Variants in PYHIN1 observed in about 807,000 individuals in gnomAD.
The protein encoded by PYHIN1 is pyrin and HIN domain-containing protein 1.
In PYHIN1, 32 loss-of-function variants were observed where a neutral mutation model predicts 43.7. That is an observed-to-expected ratio of 0.73 (90% CI 0.55 to 0.98). The LOEUF is 0.98. Among genes scored for constraint, PYHIN1 ranks in the 50% least tolerant of loss-of-function variants. The pLI is 0.00. For synonymous variants in PYHIN1, 205 were observed against 203.1 expected (o/e 1.01, Z -0.08); for missense variants, 588 against 589.5 (o/e 1.00, Z 0.03).
chr1:158,944,008 T>A, intron 6 of PYHIN1, 30 bp downstream of exon 6: 1 of 1,530,782 alleles, frequency 6.5e-7, no homozygotes, highest in Non-Finnish European at 8.9e-7. Flanking sequence ...ATATTAGTTT[T>A]CCAAAGATGA....
At position 158,976,917 on chromosome 1, in the gene PYHIN1, C is replaced by G; in HGVS notation, c.*222C>G. On this transcript the variant is annotated 3_prime_UTR_variant, in exon 9 of 9. Transcript: ENST00000368140. The stretch of plus-strand genomic sequence containing the variant: ...ATATATATATATATATATATATATA[C>G]CAGCTATTAATTCTAGGAAATGGAG... 5.2e-6 allele frequency: 1 copy of G among 193,866 alleles called. No individual in the cohort carries two copies. Among genetic ancestry groups the G allele is most frequent in the Non-Finnish European group, 9.1e-6 (1 of 110,426 alleles). 12.0% of individuals were successfully genotyped at this position (193,866 alleles called of 1,614,324 possible). A position where few individuals can be genotyped will look rare whatever the true frequency, so the allele number is the denominator to read the frequency against.
Position 158,947,333 on chromosome 1 carries a change from T to C in PYHIN1, c.1359+2291T>C, listed in dbSNP as rs571681208. On this transcript the variant is annotated intron_variant, in intron 7 of 8. Transcript: ENST00000368140. Reference sequence around the variant, plus strand: ...GGGGATATAGCCAGATAAAGGAAGATGAATACAAGAATGTGTTCATTACCT... The same window carrying C: ...GGGGATATAGCCAGATAAAGGAAGACGAATACAAGAATGTGTTCATTACCT... Among the ~76,000 whole-genome samples, 4 of 152,352 alleles carry C rather than the reference T, an allele frequency of 2.6e-5. No individual in the cohort carries two copies. In the East Asian group the frequency reaches 7.7e-4, roughly 29 times the overall value.
intron 7 of PYHIN1, among the ~76,000 whole-genome samples, chr1:158,970,319 G>A (rs1321903359): frequency 1.3e-5 from 2 of 151,984 alleles, no homozygotes; most frequent in African/African-American, 4.8e-5. Flanking sequence ...GGGGGTACAA[G>A]TGCAGATTTG....
At chr1:158,939,449 T>G in intron 4 of PYHIN1, 2 of 1,551,912 alleles carry the variant, frequency 1.3e-6, no homozygotes. Context: ...GGAAGTTTTC[T>G]GTCCTGTGCT....
chr1:158,939,038 T>C (rs968789958), intron 3 of PYHIN1, 42 bp from the exon 4 acceptor site: 8 of 1,450,600 alleles, frequency 5.5e-6, no homozygotes, highest in Non-Finnish European at 7.5e-6. Flanking sequence ...CTGCTTCATT[T>C]GACACTGAAA....
intron 7 of PYHIN1, among the ~76,000 whole-genome samples, chr1:158,948,817 G>A (rs1356664300): frequency 6.6e-6 from 1 of 152,126 alleles, no homozygotes; most frequent in Non-Finnish European, 1.5e-5. Flanking sequence ...TTGACTGGTA[G>A]GAATGCCTCA....
chr1:158,958,174 CA>C (rs1383049732), intron 7 of PYHIN1, among the ~76,000 whole-genome samples: 1 of 151,430 alleles, frequency 6.6e-6, no homozygotes, highest in Non-Finnish European at 1.5e-5. Context: ...TAAACTAGTT[CA>C]ACCATTGTGG....
chr1:158,946,619 T>A (rs1195406508), intron 7 of PYHIN1, among the ~76,000 whole-genome samples: 1 of 152,042 alleles, frequency 6.6e-6, no homozygotes, highest in Non-Finnish European at 1.5e-5. Flanking sequence ...TTTCCTACAA[T>A]CTAAAGAACA....
chr1:158,936,608 T>A (rs1382006794), intron 1 of PYHIN1, among the ~76,000 whole-genome samples: 2 of 152,074 alleles, frequency 1.3e-5, no homozygotes, highest in African/African-American at 4.8e-5. Context: ...AATTATTATC[T>A]CAATAGATGC....
At chr1:158,955,248 G>A (rs929589686) in intron 7 of PYHIN1, among the ~76,000 whole-genome samples, 10 of 151,938 alleles carry the variant, frequency 6.6e-5, no homozygotes, top group Non-Finnish European at 1.2e-4. Context: ...TGCACCAACC[G>A]GACCTAACAG....
At chr1:158,981,740 A>G (rs1651490941), downstream of PYHIN1, among the ~76,000 whole-genome samples, 1 of 152,164 alleles carries the variant, frequency 6.6e-6, no homozygotes, top group Admixed American at 6.5e-5. Context: ...AAAATATGGC[A>G]TATAATTGGC....
chr1:158,946,934 T>C (rs1244917649), intron 7 of PYHIN1, among the ~76,000 whole-genome samples: 1 of 152,194 alleles, frequency 6.6e-6, no homozygotes, highest in Non-Finnish European at 1.5e-5. Flanking sequence ...AATCTCCTAA[T>C]TCAGCCCCAG....
chr1:158,961,067 T>A (rs72704938), intron 7 of PYHIN1, among the ~76,000 whole-genome samples: 17,571 of 152,140 alleles, frequency 0.12, 1,159 homozygotes, highest in Non-Finnish European at 0.13. Flanking sequence ...ATGATACCAA[T>A]CATAAATGAT....
Position 158,933,117 on chromosome 1 carries a change from C to G in PYHIN1, c.-21+1341C>G, listed in dbSNP as rs148560571. ...TATTATAAGACGGTATTTTCTTGTA[C>G]TCCTCTCAAATTCATATATATAATA... On this transcript the variant is annotated intron_variant, in intron 1 of 8. Coordinates refer to ENST00000368140, the MANE Select transcript of PYHIN1 (RefSeq NM_152501.5). This position sits in a 1 kb window ranked among gnomAD's most constrained non-coding sequence, Gnocchi z 6.3. Among the ~76,000 whole-genome samples the G allele has an allele frequency of 7.6e-3, 1,156 of 151,768 alleles. 14 individuals are homozygous for G. The highest frequency in any genetic ancestry group is 0.024 in the African/African-American group (1,010 of 41,430).
chr1:158,964,089 G>T (rs990263600), intron 7 of PYHIN1, among the ~76,000 whole-genome samples: 2 of 152,120 alleles, frequency 1.3e-5, no homozygotes, highest in Non-Finnish European at 2.9e-5. Context: ...ATTTCATAAT[G>T]CAATTGCATG....
intron 3 of PYHIN1, among the ~76,000 whole-genome samples, chr1:158,938,832 C>T (rs1215088240): frequency 6.6e-6 from 1 of 152,126 alleles, no homozygotes; most frequent in Admixed American, 6.5e-5. Flanking sequence ...TTACAAAAGC[C>T]TAGTTTCTTA....
intron 5 of PYHIN1, among the ~76,000 whole-genome samples, chr1:158,943,171 A>G (rs994381927): frequency 1.3e-5 from 2 of 152,054 alleles, no homozygotes; most frequent in Non-Finnish European, 2.9e-5. Context: ...TTCTAGAATG[A>G]CCTCTTATTT....
chr1:158,955,110 GA>G, intron 7 of PYHIN1, among the ~76,000 whole-genome samples: 1 of 151,886 alleles, frequency 6.6e-6, no homozygotes, highest in South Asian at 2.1e-4. Context: ...AGGAAGTCCT[GA>G]GTGACCTACA....
chr1:158,938,005 A>C (rs1648668185), intron 2 of PYHIN1, among the ~76,000 whole-genome samples: 1 of 152,190 alleles, frequency 6.6e-6, no homozygotes, highest in South Asian at 2.1e-4. Context: ...AAACCTATTT[A>C]ACATCTCCTT....
Sources: gnomAD v4.1 joint callset for allele counts (sites outside exome capture counted in the v4.1 genomes callset) on GRCh38, gnomAD v4.1.1 for gene constraint, Gnocchi (gnomAD v3.1) non-coding constraint, MANE v1.5 for transcripts, NCBI Gene and HGNC (gene_info 2026-07-23, HGNC 2026-07-21) for gene names.